The following BIN3 variants were observed in gnomAD, a reference collection of about 807,000 sequenced individuals.
BIN3 encodes bridging integrator 3.
A neutral mutation model predicts 38.2 loss-of-function variants in BIN3; 41 were observed. The ratio of observed to expected loss-of-function variants is 1.07; its 90% CI spans 0.84 to 1.39. The LOEUF is 1.39. Among genes scored for constraint, BIN3 ranks in the 40% most tolerant of loss-of-function variants. The probability of loss-of-function intolerance (pLI) is 0.00; values close to 1 mark genes in which losing one functional copy is unlikely to be tolerated. For missense variants in BIN3, 361 were observed against 324.3 expected (o/e 1.11, Z -0.87); for synonymous variants, 145 against 122.6 (o/e 1.18, Z -1.21).
chr8:22,631,979 T>C (rs1802217442), intron 4 of BIN3, among the ~76,000 whole-genome samples: 1 of 152,216 alleles, frequency 6.6e-6, no homozygotes, highest in Non-Finnish European at 1.5e-5. Flanking sequence ...TCTGTACCAG[T>C]GTCAGAGTGC....
intron 6 of BIN3, among the ~76,000 whole-genome samples, chr8:22,626,876 T>TCCTGTG (rs1802023460): frequency 6.6e-6 from 1 of 152,242 alleles, no homozygotes; most frequent in South Asian, 2.1e-4. Flanking sequence ...GCTTATTATT[T>TCCTGTG]CCTGTGCCAG....
At chr8:22,654,487 A>C (rs927498522) in intron 1 of BIN3, among the ~76,000 whole-genome samples, 3 of 152,114 alleles carry the variant, frequency 2.0e-5, no homozygotes, top group Admixed American at 6.5e-5. Flanking sequence ...CTATTAGCAA[A>C]CAACTCCCCT....
At chr8:22,633,787 G>A (rs533906087) in intron 4 of BIN3, among the ~76,000 whole-genome samples, 32 of 152,310 alleles carry the variant, frequency 2.1e-4, no homozygotes, top group Non-Finnish European at 1.6e-4. Flanking sequence ...GGGGCCCAGC[G>A]GCCCACGGCA....
rs529082031 is a variant in BIN3 at position 22,628,661 on chromosome 8, G to A, written c.338+1303C>T. 4.7e-4 allele frequency among the ~76,000 whole-genome samples: 71 copies of A among 152,296 alleles called. 1 individual carries two copies. Among genetic ancestry groups the A allele is most frequent in the African/African-American group, 1.7e-3 (69 of 41,564 alleles). The stretch of plus-strand genomic sequence containing the variant: ...CCTTGCTGATACTGAAACTGAGGTG[G>A]GAGTCAGTTCCCCAGTTCTCTGAGT... On this transcript the variant is annotated intron_variant, in intron 6 of 8. Transcript: ENST00000276416.
intron 1 of BIN3, among the ~76,000 whole-genome samples, chr8:22,654,244 T>TA (rs1166993165): frequency 6.6e-6 from 1 of 152,202 alleles, no homozygotes; most frequent in East Asian, 1.9e-4. Flanking sequence ...ATTTATGCCT[T>TA]AAAAAACTGC....
intron 2 of BIN3, 30 bp from the exon 3 acceptor site, chr8:22,636,992 G>A (rs756792954): frequency 1.6e-5 from 26 of 1,606,646 alleles, no homozygotes; most frequent in Non-Finnish European, 2.1e-5. Flanking sequence ...TCAATTATCG[G>A]AGAAATGACA....
chr8:22,649,319 T>C (rs903390809), intron 1 of BIN3, among the ~76,000 whole-genome samples: 4 of 152,238 alleles, frequency 2.6e-5, no homozygotes, highest in Non-Finnish European at 4.4e-5. Flanking sequence ...AAAGACTTAT[T>C]TGGCATTTAA....
intron 2 of BIN3, among the ~76,000 whole-genome samples, chr8:22,642,028 C>A (rs1022937137): frequency 6.6e-6 from 1 of 152,138 alleles, no homozygotes; most frequent in South Asian, 2.1e-4. Context: ...CTAGCCAAAG[C>A]CTTGACAATA....
At chr8:22,668,457 G>A (rs1283291929) in intron 1 of BIN3, among the ~76,000 whole-genome samples, 1 of 152,238 alleles carries the variant, frequency 6.6e-6, no homozygotes, top group Non-Finnish European at 1.5e-5. Flanking sequence ...GGCAGGCAGT[G>A]AGTAATAGCT....
chr8:22,642,385 C>A (rs760778264), intron 2 of BIN3, among the ~76,000 whole-genome samples: 2 of 152,206 alleles, frequency 1.3e-5, no homozygotes, highest in Non-Finnish European at 2.9e-5. Flanking sequence ...GGTCTTACTA[C>A]TTCTACTTCA....
At chr8:22,627,697 T>TC (rs1238433759) in intron 6 of BIN3, among the ~76,000 whole-genome samples, 1 of 152,146 alleles carries the variant, frequency 6.6e-6, no homozygotes, top group Non-Finnish European at 1.5e-5. Flanking sequence ...AAACCTCCTC[T>TC]CCCACTCCTA....
chr8:22,641,195 G>A (rs949545895), intron 2 of BIN3, among the ~76,000 whole-genome samples: 2 of 151,998 alleles, frequency 1.3e-5, no homozygotes, highest in African/African-American at 4.8e-5. Flanking sequence ...AGTCAACAAT[G>A]CAAGTATAAA....
chr8:22,650,283 T>C (rs945401129), intron 1 of BIN3, among the ~76,000 whole-genome samples: 4 of 152,218 alleles, frequency 2.6e-5, no homozygotes, highest in Non-Finnish European at 4.4e-5. Flanking sequence ...TTTGAAAAGA[T>C]TGAAACAGTT....
At chr8:22,625,087 C>T in intron 6 of BIN3, 1 of 451,366 alleles carries the variant, frequency 2.2e-6, no homozygotes, top group Non-Finnish European at 3.9e-6. Flanking sequence ...CAGGAAAATG[C>T]CCTGAGGACC....
intron 8 of BIN3, among the ~76,000 whole-genome samples, chr8:22,623,438 G>A (rs929154905): frequency 6.6e-6 from 1 of 152,152 alleles, no homozygotes; most frequent in African/African-American, 2.4e-5. Context: ...GGGCTCTGGA[G>A]CCCCCTTCCT....
chr8:22,637,777 C>T (rs969493648), intron 2 of BIN3, among the ~76,000 whole-genome samples: 1 of 152,170 alleles, frequency 6.6e-6, no homozygotes, highest in Non-Finnish European at 1.5e-5. Context: ...TAGAGGCCTG[C>T]CCTCCCTGGC....
chr8:22,636,912 T>G lies in BIN3; in HGVS notation c.98+10A>C. 1.2e-6 allele frequency: 2 copies of G among 1,611,714 alleles called. No homozygotes were observed. The highest frequency in any genetic ancestry group is 1.7e-6 in the Non-Finnish European group (2 of 1,177,840). ...GCCTCCCACCTCATCTTTCTGGGGT[T>G]GACACTCACTGCTGAAGTTTTCCAT... On this transcript the variant is annotated intron_variant, in intron 3 of 8. Coordinates refer to ENST00000276416, the MANE Select transcript of BIN3 (RefSeq NM_018688.6).
intron 1 of BIN3, among the ~76,000 whole-genome samples, chr8:22,646,624 C>A (rs2117562792): frequency 6.6e-6 from 1 of 152,288 alleles, no homozygotes; most frequent in Admixed American, 6.5e-5. Flanking sequence ...CCTTTGGGGG[C>A]TGGCTGATTC....
intron 1 of BIN3, 59 bp downstream of exon 1, chr8:22,668,985 G>A: frequency 6.4e-7 from 1 of 1,553,550 alleles, no homozygotes; most frequent in Admixed American, 1.9e-5. Flanking sequence ...ACTGACACAG[G>A]GCCAGGGGCC....
Sources: gnomAD v4.1 joint callset for allele counts (sites outside exome capture counted in the v4.1 genomes callset) on GRCh38, gnomAD v4.1.1 for gene constraint, MANE v1.5 for transcripts, NCBI Gene and HGNC (gene_info 2026-07-23, HGNC 2026-07-21) for gene names.